ENPP6: variants seen among roughly 807,000 people sequenced by gnomAD.
ENPP6 encodes glycerophosphocholine cholinephosphodiesterase ENPP6.
A neutral mutation model predicts 42.0 loss-of-function variants in ENPP6; 32 were observed. That is an observed-to-expected ratio of 0.76 (90% CI 0.58 to 1.02). The LOEUF is 1.02. ENPP6 is among the 50% of genes least tolerant of loss of function. The pLI is 0.00. For synonymous variants in ENPP6, 213 were observed against 216.0 expected (o/e 0.99, Z 0.12); for missense variants, 552 against 566.8 (o/e 0.97, Z 0.27).
chr4:184,210,067 A>T (rs925399121), intron 1 of ENPP6, among the ~76,000 whole-genome samples: 4 of 151,518 alleles, frequency 2.6e-5, no homozygotes, highest in Non-Finnish European at 5.9e-5. Context: ...GGCCTGTCCT[A>T]AAAGAGCTCC....
chr4:184,209,889 C>T (rs746677434), intron 1 of ENPP6, among the ~76,000 whole-genome samples: 2,795 of 135,950 alleles, frequency 0.021, 51 homozygotes, highest in Non-Finnish European at 0.025. Context: ...GTGGATCTCT[C>T]GGCAGAAACC....
chr4:184,131,205 T>C (rs370357609), intron 2 of ENPP6, among the ~76,000 whole-genome samples: 74 of 65,974 alleles, frequency 1.1e-3, no homozygotes, highest in Admixed American at 1.9e-3. Flanking sequence ...TTCTTTCTTC[T>C]TTCTTTCTTT....
rs1213408114 is a variant in ENPP6, at chr4:184,089,432, C to T, written c.*1745G>A. 2.0e-5 allele frequency: 3 copies of T among 151,822 alleles called. No individual in the cohort carries two copies. The highest frequency in any genetic ancestry group is 7.3e-5 in the African/African-American group (3 of 41,354). 9.4% of individuals were successfully genotyped at this position (151,822 alleles called of 1,614,324 possible). A position where few individuals can be genotyped will look rare whatever the true frequency, so the allele number is the denominator to read the frequency against. ...TGCCTTTTCCTGACAAAAAGTCTCA[C>T]TTGCAGATGTACCTCAATTAGTGCA... On this transcript the variant is annotated 3_prime_UTR_variant, in exon 8 of 8. Coordinates refer to ENST00000296741, the MANE Select transcript of ENPP6 (RefSeq NM_153343.4).
At chr4:184,215,771 C>G (rs376678272) in intron 1 of ENPP6, among the ~76,000 whole-genome samples, 3 of 152,306 alleles carry the variant, frequency 2.0e-5, no homozygotes, top group South Asian at 2.1e-4. Context: ...AGTTTGAAAG[C>G]AAGGGTGAGA....
chr4:184,200,262 A>G (rs4861608), intron 1 of ENPP6, among the ~76,000 whole-genome samples: 76,333 of 152,048 alleles, frequency 0.5, 20,347 homozygotes, highest in East Asian at 0.95. Context: ...TGAGGACCCC[A>G]TTGACCAGCG....
intron 2 of ENPP6, among the ~76,000 whole-genome samples, chr4:184,132,772 CACATATAT>C (rs1736659319): frequency 6.6e-6 from 1 of 150,732 alleles, no homozygotes; most frequent in African/African-American, 2.4e-5. Flanking sequence ...TATATAGATA[CACATATAT>C]ACATATATAC....
Position 184,121,974 on chromosome 4 carries a change from C to G in ENPP6, c.533+2187G>C, listed in dbSNP as rs1434237036. Among the ~76,000 whole-genome samples, 5 of 152,224 alleles carry G rather than the reference C, an allele frequency of 3.3e-5. No homozygotes were observed. The East Asian group carries it at 9.6e-4, about 29-fold the overall frequency. ...TTCAGGGGAGGCCCAAGTCATCTCA[C>G]TGTCTTCCACAGGCAGTATCATCCA... On this transcript the variant is annotated intron_variant, in intron 3 of 7. Coordinates refer to ENST00000296741, the MANE Select transcript of ENPP6 (RefSeq NM_153343.4).
At chr4:184,183,531 ACAC>A (rs1732588368) in intron 1 of ENPP6, among the ~76,000 whole-genome samples, 2 of 152,170 alleles carry the variant, frequency 1.3e-5, no homozygotes, top group South Asian at 2.1e-4. Flanking sequence ...TCACACACAC[ACAC>A]AAGAGTTTTA....
intron 1 of ENPP6, among the ~76,000 whole-genome samples, chr4:184,183,880 T>C (rs1189228818): frequency 6.6e-6 from 1 of 152,162 alleles, no homozygotes; most frequent in African/African-American, 2.4e-5. Context: ...CTCAGGCCAA[T>C]GGGAAGAAGG....
intron 1 of ENPP6, among the ~76,000 whole-genome samples, chr4:184,182,436 A>C (rs1435720632): frequency 6.6e-6 from 1 of 152,176 alleles, no homozygotes; most frequent in African/African-American, 2.4e-5. Context: ...TTCAACCATC[A>C]TGGAAGATAG....
rs928919735 is a variant in ENPP6, at chr4:184,184,149, G to A, written c.242-30416C>T. Among the ~76,000 whole-genome samples, 1 of 152,186 alleles carries A rather than the reference G, an allele frequency of 6.6e-6. No individual in the cohort carries two copies. The highest frequency in any genetic ancestry group is 6.5e-5 in the Admixed American group (1 of 15,270). On this transcript the variant is annotated intron_variant, in intron 1 of 7. Transcript: ENST00000296741. The surrounding 1 kb of genome is among the most constrained non-coding windows in gnomAD (Gnocchi z 4.7). ...ACCACTGAGATGTTAGAGTGTGAGTGAACAGCGGTAAGTTTTATCTTAACT... is the reference window on the plus strand; with the variant it reads ...ACCACTGAGATGTTAGAGTGTGAGTAAACAGCGGTAAGTTTTATCTTAACT...
chr4:184,122,610 A>G (rs1560984781), intron 3 of ENPP6, among the ~76,000 whole-genome samples: 2 of 152,352 alleles, frequency 1.3e-5, no homozygotes, highest in East Asian at 3.9e-4. Context: ...TTAGTAGGCC[A>G]GTGCCAACCT....
In ENPP6 at chr4:184,097,170, T is replaced by A. The variant is rs755688157; in HGVS notation, c.1117+75A>T. 5 of 1,591,904 alleles carry A rather than the reference T, an allele frequency of 3.1e-6. No individual in the cohort carries two copies. The African/African-American group carries it at 6.7e-5, about 21-fold the overall frequency. On this transcript the variant is annotated intron_variant, in intron 7 of 7. Transcript: ENST00000296741. ...GTAAGGAAATCCCTGCAGCCTCTCC[T>A]GGCACCCGTAGCCCCCCTTACAGAC...
chr4:184,126,328 ACT>A (rs1491427326), intron 2 of ENPP6, among the ~76,000 whole-genome samples: 1 of 152,224 alleles, frequency 6.6e-6, no homozygotes, highest in East Asian at 1.9e-4. Flanking sequence ...TAGAAAACAA[ACT>A]TTTTTTTATT....
chr4:184,209,092 C>T (rs1423058844), intron 1 of ENPP6, among the ~76,000 whole-genome samples: 1 of 149,502 alleles, frequency 6.7e-6, no homozygotes, highest in Non-Finnish European at 1.5e-5. Context: ...CTGTACATCA[C>T]CGTCATCAAA....
intron 2 of ENPP6, among the ~76,000 whole-genome samples, chr4:184,135,587 T>C (rs1274376757): frequency 6.6e-6 from 1 of 152,244 alleles, no homozygotes; most frequent in African/African-American, 2.4e-5. Flanking sequence ...TTAATGTATG[T>C]CTTTATAAGT....
In ENPP6 at chr4:184,117,812, C is replaced by T; in HGVS notation, c.622G>A (p.Asp208Asn). The T allele has an allele frequency of 6.2e-7, 1 of 1,614,274 alleles. No homozygotes were observed. Among genetic ancestry groups the T allele is most frequent in the Non-Finnish European group, 8.5e-7 (1 of 1,180,050 alleles). ...HYGPASPQRKDALKAVDTVLK... is the reference protein window; with the variant it reads ...HYGPASPQRKNALKAVDTVLK... ...ACAGTGTCTACAGCCTTGAGGGCATCTTTCCTCTGCGGAGATGCAGGCCCG... is the reference window on the plus strand; with the variant it reads ...ACAGTGTCTACAGCCTTGAGGGCATTTTTCCTCTGCGGAGATGCAGGCCCG... The change falls in exon 4 of 8, where the codon GAT (aspartate) becomes AAT (asparagine). Residue 208 changes from aspartate to asparagine, a missense_variant. Physicochemically the swap from Asp to Asn is conservative, Grantham distance 23. Around this residue, in one of 2 missense-constraint regions of ENPP6, gnomAD observed 545 missense variants for 546.3 expected, o/e 1.00. Coordinates refer to ENST00000296741, the MANE Select transcript of ENPP6 (RefSeq NM_153343.4).
intron 6 of ENPP6, among the ~76,000 whole-genome samples, chr4:184,102,815 C>T (rs1186698125): frequency 2.0e-5 from 3 of 152,234 alleles, no homozygotes; most frequent in Non-Finnish European, 4.4e-5. Flanking sequence ...TCAAGGACCA[C>T]CCTGAGCTCA....
Position 184,152,924 on chromosome 4 carries a change from A to T in ENPP6, c.421+630T>A, listed in dbSNP as rs1342127552. On this transcript the variant is annotated intron_variant, in intron 2 of 7. Transcript: ENST00000296741. ...GCTCAATGACGTATGGAAATGGTAC[A>T]CTGTTTTTTTTTTTGTAAAGCAAGT... Among the ~76,000 whole-genome samples, 2 of 108,954 alleles carry T rather than the reference A, an allele frequency of 1.8e-5. 1 individual carries two copies. Among genetic ancestry groups the T allele is most frequent in the African/African-American group, 7.6e-5 (2 of 26,278 alleles). 71.5% of individuals were successfully genotyped at this position (108,954 alleles called of 152,430 possible). A position where few individuals can be genotyped will look rare whatever the true frequency, so the allele number is the denominator to read the frequency against.
Sources: gnomAD v4.1 joint callset for allele counts (sites outside exome capture counted in the v4.1 genomes callset) on GRCh38, gnomAD v4.1.1 for gene constraint, gnomAD v4.1.1 regional missense constraint, Gnocchi (gnomAD v3.1) non-coding constraint, MANE v1.5 for transcripts, NCBI Gene and HGNC (gene_info 2026-07-23, HGNC 2026-07-21) for gene names.